Variants in ANKFN1 observed in about 807,000 individuals in gnomAD.
ANKFN1 encodes the protein ankyrin repeat and fibronectin type-III domain-containing protein 1.
In ANKFN1, 74 loss-of-function variants were observed where a neutral mutation model predicts 108.7. That is an observed-to-expected ratio of 0.68 (90% confidence interval 0.56 to 0.83). The LOEUF is 0.83. Ranked by LOEUF, ANKFN1 falls within the 40% of genes least tolerant of loss-of-function variation. The pLI, the probability that ANKFN1 is intolerant of heterozygous loss-of-function variation, is 0.00. For synonymous variants in ANKFN1, 547 were observed against 516.2 expected (o/e 1.06, Z -0.81); for missense variants, 1,505 against 1,382.3 (o/e 1.09, Z -1.41).
At chr17:56,164,799 T>C (rs1435559701) in intron 1 of ANKFN1, among the ~76,000 whole-genome samples, 1 of 152,180 alleles carries the variant, frequency 6.6e-6, no homozygotes. Flanking sequence ...GTTCTGTCAG[T>C]TGAAAATACT....
chr17:56,504,241 C>T (rs1451446570), intron 20 of ANKFN1, among the ~76,000 whole-genome samples: 1 of 152,178 alleles, frequency 6.6e-6, no homozygotes. Context: ...ATAATATTTA[C>T]CCCTTAATAT....
intron 4 of ANKFN1, among the ~76,000 whole-genome samples, chr17:56,055,604 T>G (rs1904863309): frequency 7.9e-6 from 1 of 126,026 alleles, no homozygotes; most frequent in South Asian, 2.4e-4. Context: ...TATACACATT[T>G]TTTTATCCAG....
Position 56,457,341 on chromosome 17 carries a change from T to A in ANKFN1, c.1392T>A (p.Asp464Glu). 6.2e-7 allele frequency: 1 copy of A among 1,608,724 alleles called. No individual in the cohort carries two copies. Reference sequence around the variant, plus strand: ...ATCAAGTACCAATTGTTGAAATAGATGACTCTCACACCAGTTCTATTACAC... The same window carrying A: ...ATCAAGTACCAATTGTTGAAATAGAAGACTCTCACACCAGTTCTATTACAC... ...NEDQVPIVEI[D>E]DSHTSSITQD... Residue 464 changes from aspartate to glutamate, a missense_variant, in exon 13 of 21, where the codon GAT (aspartate) becomes GAA (glutamate). Asp to Glu is a conservative substitution (Grantham distance 45). Transcript: ENST00000682825.
At chr17:56,069,499 G>T (rs564715890) in intron 4 of ANKFN1, among the ~76,000 whole-genome samples, 2 of 152,160 alleles carry the variant, frequency 1.3e-5, no homozygotes, top group East Asian at 1.9e-4. Flanking sequence ...ACTGAATGAG[G>T]TTATATCTCT....
At chr17:56,211,156 C>T (rs1914966177) in intron 1 of ANKFN1, among the ~76,000 whole-genome samples, 1 of 152,242 alleles carries the variant, frequency 6.6e-6, no homozygotes, top group South Asian at 2.1e-4. Context: ...ATTTTGGGTT[C>T]TTGATTATGA....
chr17:56,478,271 A>T (rs1342791428), intron 16 of ANKFN1, among the ~76,000 whole-genome samples: 1 of 152,246 alleles, frequency 6.6e-6, no homozygotes, highest in Non-Finnish European at 1.5e-5. Flanking sequence ...GTTAATGAAC[A>T]GCTGACCTTT....
chr17:56,382,396 C>T (rs543471942), intron 8 of ANKFN1, among the ~76,000 whole-genome samples: 4 of 152,224 alleles, frequency 2.6e-5, no homozygotes, highest in African/African-American at 4.8e-5. Flanking sequence ...TAAAGACCAT[C>T]GAGGCTAGGA....
upstream of ANKFN1, among the ~76,000 whole-genome samples, chr17:56,148,533 G>A (rs1363370535): frequency 6.6e-6 from 1 of 152,196 alleles, no homozygotes; most frequent in African/African-American, 2.4e-5. Context: ...GCACAAGGTT[G>A]AGCATGTTCT....
At chr17:56,177,584 C>T (rs1339743355) in intron 1 of ANKFN1, among the ~76,000 whole-genome samples, 5 of 152,182 alleles carry the variant, frequency 3.3e-5, no homozygotes, top group African/African-American at 7.2e-5. Flanking sequence ...GTGACTCCCA[C>T]GTTCCAGATG....
rs532854499 is a variant in ANKFN1, at chr17:56,129,090, A to G, written c.288+82765A>G. On this transcript the variant is annotated intron_variant, in intron 4 of 12. Coordinates refer to the ANKFN1 transcript ENST00000635860. Reference sequence around the variant, plus strand: ...AAAGAAGCAATCAGTGTCTTGCAGGACAAGGGAAAAATCTATTAATTTTAA... The same window carrying G: ...AAAGAAGCAATCAGTGTCTTGCAGGGCAAGGGAAAAATCTATTAATTTTAA... 7.5e-4 allele frequency among the ~76,000 whole-genome samples: 114 copies of G among 152,316 alleles called. No homozygotes were observed. In the Middle Eastern group the frequency reaches 0.01, roughly 14 times the overall value.
chr17:56,442,854 T>A lies in ANKFN1; in HGVS notation c.1020T>A (p.Tyr340Ter). The A allele has an allele frequency of 6.2e-7, 1 of 1,613,764 alleles. No individual in the cohort carries two copies. Among genetic ancestry groups the A allele is most frequent in the South Asian group, 1.1e-5 (1 of 91,064 alleles). ...TITGLTMGQQ[Y>*]FVQVSAYNMK... ...TCAATACTTTGCAGGGCCAACAGTA[T>A]TTTGTTCAAGTCTCGGCTTACAATA... Residue 340 changes from tyrosine to a stop codon, truncating the protein, a stop_gained, in exon 10 of 21, where the codon TAT (tyrosine) becomes TAA (stop). Coordinates refer to ENST00000682825, the MANE Select transcript of ANKFN1 (RefSeq NM_001370326.1). LOFTEE classifies it high-confidence loss of function.
chr17:56,459,898 A>G (rs1366521240), intron 14 of ANKFN1, among the ~76,000 whole-genome samples: 1 of 152,178 alleles, frequency 6.6e-6, no homozygotes, highest in Non-Finnish European at 1.5e-5. Context: ...GCATCAGCCC[A>G]CTTCTGAAGT....
Position 56,374,708 on chromosome 17 carries a change from T to A in ANKFN1, c.904T>A (p.Tyr302Asn). 1 of 1,611,658 alleles carries A rather than the reference T, an allele frequency of 6.2e-7. No individual in the cohort carries two copies. The highest frequency in any genetic ancestry group is 8.5e-7 in the Non-Finnish European group (1 of 1,178,032). The change falls in exon 8 of 21, where the codon TAT (tyrosine) becomes AAT (asparagine). Residue 302 changes from tyrosine (Y) to asparagine (N), a missense_variant. By Grantham distance (143) the Tyr-to-Asn change is moderately radical. Transcript: ENST00000682825. Reference sequence around the variant, plus strand: ...CGTCAATGCAGCTGTAGTAACCAGGTATAAAGGTACTGGACCCAAGACATG... The same window carrying A: ...CGTCAATGCAGCTGTAGTAACCAGGAATAAAGGTACTGGACCCAAGACATG... ...LSVNAAVVTR[Y>N]KVEWSMSEDF...
At chr17:56,074,570 C>T (rs896308903) in intron 4 of ANKFN1, among the ~76,000 whole-genome samples, 3 of 152,202 alleles carry the variant, frequency 2.0e-5, no homozygotes, top group Admixed American at 2.0e-4. Context: ...ATAGGGCTGC[C>T]CCTGCTCCAC....
chr17:56,119,979 C>G (rs1441995954), intron 4 of ANKFN1, among the ~76,000 whole-genome samples: 8 of 152,100 alleles, frequency 5.3e-5, no homozygotes, highest in African/African-American at 1.9e-4. Flanking sequence ...TTCGTCAAAT[C>G]CTTTCTCAGG....
At chr17:56,397,373 T>G (rs1376690573) in intron 8 of ANKFN1, among the ~76,000 whole-genome samples, 1 of 152,196 alleles carries the variant, frequency 6.6e-6, no homozygotes, top group Non-Finnish European at 1.5e-5. Context: ...TAGAAATAAT[T>G]CATCAAGGGA....
chr17:56,336,539 G>C lies in ANKFN1; in HGVS notation c.188+10184G>C, dbSNP rs1357038080. The stretch of plus-strand genomic sequence containing the variant: ...TTATAGTATTCTCTGATGGTAGTTT[G>C]TATTTCTGTGGGATCGGTGGTGATA... On this transcript the variant is annotated intron_variant, in intron 4 of 20. Coordinates refer to ENST00000682825, the MANE Select transcript of ANKFN1 (RefSeq NM_001370326.1). Among the ~76,000 whole-genome samples the C allele has an allele frequency of 2.6e-5, 4 of 152,166 alleles. No homozygotes were observed. In the South Asian group the frequency reaches 6.2e-4, roughly 24 times the overall value.
At chr17:56,352,831 A>G (rs1240484471) in intron 5 of ANKFN1, among the ~76,000 whole-genome samples, 2 of 152,202 alleles carry the variant, frequency 1.3e-5, no homozygotes, top group East Asian at 1.9e-4. Context: ...TGTAACATGT[A>G]TATTTTAGGA....
chr17:56,294,844 G>T (rs941858110), intron 3 of ANKFN1, among the ~76,000 whole-genome samples: 2 of 152,190 alleles, frequency 1.3e-5, no homozygotes, highest in Non-Finnish European at 2.9e-5. Flanking sequence ...ACAGAACAAG[G>T]CTTGAGCCAT....
Sources: allele counts gnomAD v4.1 joint callset (sites outside exome capture counted in the v4.1 genomes callset), GRCh38; gene constraint gnomAD v4.1.1; transcripts MANE v1.5; gene names NCBI Gene and HGNC (gene_info 2026-07-23, HGNC 2026-07-21).